LAMB4: variants seen among roughly 807,000 people sequenced by gnomAD.
LAMB4 encodes the protein laminin subunit beta-4.
In LAMB4, 196 loss-of-function variants were observed where a neutral mutation model predicts 199.2. That is an observed-to-expected ratio of 0.98 (90% CI 0.88 to 1.11). The LOEUF is 1.11. LAMB4 is among the 50% of genes least tolerant of loss of function. LAMB4 has a pLI of 0.00. For synonymous variants in LAMB4, 744 were observed against 770.6 expected (o/e 0.97, Z 0.57); for missense variants, 2,080 against 2,171.2 (o/e 0.96, Z 0.83).
At chr7:108,073,690 C>T (rs570360439) in intron 17 of LAMB4, among the ~76,000 whole-genome samples, 1 of 152,290 alleles carries the variant, frequency 6.6e-6, no homozygotes, top group Middle Eastern at 3.4e-3. Flanking sequence ...TCTTATCTTC[C>T]CAGAGCAACA....
At chr7:108,128,349 C>T (rs1249351187) in intron 1 of LAMB4, among the ~76,000 whole-genome samples, 3 of 152,116 alleles carry the variant, frequency 2.0e-5, no homozygotes, top group Non-Finnish European at 2.9e-5. Context: ...GCATGACAGA[C>T]GCTACTGGCA....
chr7:108,063,825 C>CT lies in LAMB4; in HGVS notation c.2996dup (p.Ala1001ArgfsTer44), dbSNP rs1210583259. The CT allele has an allele frequency of 1.9e-6, 3 of 1,614,074 alleles. No individual in the cohort carries two copies. Among genetic ancestry groups the CT allele is most frequent in the Non-Finnish European group, 2.5e-6 (3 of 1,180,052 alleles). ...GTTTGCAGAGCTGGCAGTTTGCGCC[C>CT]TGAGTGTTGTGCAAACATCGAAGGC... On this transcript the variant is annotated frameshift_variant, in exon 22 of 34. Coordinates refer to ENST00000388781, the MANE Select transcript of LAMB4 (RefSeq NM_007356.3). LOFTEE classifies it high-confidence loss of function.
chr7:108,126,550 C>CTTTCTTTTTT (rs2038787128), intron 1 of LAMB4, among the ~76,000 whole-genome samples: 2 of 45,458 alleles, frequency 4.4e-5, no homozygotes, highest in African/African-American at 1.8e-4. Context: ...GTCAGAATTT[C>CTTTCTTTTTT]TTTCTTTTTT....
In LAMB4 at chr7:108,104,639, G is replaced by C; in HGVS notation, c.871-20C>G. ...GTGAACCTGCATTGTGCAATAAATA[G>C]AGCGTTGAAAGAGGGCTTGTCCTTG... On this transcript the variant is annotated intron_variant, in intron 8 of 33. Coordinates refer to ENST00000388781, the MANE Select transcript of LAMB4 (RefSeq NM_007356.3). The C allele has an allele frequency of 6.2e-7, 1 of 1,611,328 alleles. No individual in the cohort carries two copies. The highest frequency in any genetic ancestry group is 8.5e-7 in the Non-Finnish European group (1 of 1,178,552).
intron 10 of LAMB4, 76 bp downstream of exon 10, chr7:108,102,968 T>G: frequency 5.4e-6 from 7 of 1,304,652 alleles, no homozygotes; most frequent in Non-Finnish European, 7.3e-6. Context: ...GCAGATAAGG[T>G]GCGGGCAGCC....
chr7:108,030,513 G>T (rs2034990216), intron 32 of LAMB4, among the ~76,000 whole-genome samples: 1 of 152,222 alleles, frequency 6.6e-6, no homozygotes, highest in African/African-American at 2.4e-5. Context: ...ATTGTGAAAA[G>T]TTTGGAAGTT....
rs2036044909 is a variant in LAMB4, at chr7:108,058,104, A to C, written c.3283-176T>G. On this transcript the variant is annotated intron_variant, in intron 23 of 33. Transcript: ENST00000388781. ...CCGACAATACCAAGGATCAGGAGTT[A>C]ATGTGCTTTGGCCTAAAGCTCCTGA... is the stretch of plus-strand genomic sequence containing the variant. Among the ~76,000 whole-genome samples, 3 of 152,238 alleles carry C rather than the reference A, an allele frequency of 2.0e-5. No homozygotes were observed. The South Asian group carries it at 6.2e-4, about 32-fold the overall frequency.
chr7:108,025,742 T>C (rs1343259663), intron 33 of LAMB4, among the ~76,000 whole-genome samples: 6 of 152,144 alleles, frequency 3.9e-5, no homozygotes, highest in African/African-American at 7.2e-5. Context: ...CTTTCAAATG[T>C]AGGTTATTTG....
chr7:108,076,254 A>C (rs1376394444), intron 17 of LAMB4, among the ~76,000 whole-genome samples: 1 of 152,110 alleles, frequency 6.6e-6, no homozygotes, highest in African/African-American at 2.4e-5. Context: ...TCAATGCTCA[A>C]CTCTGCCAAG....
downstream of LAMB4, among the ~76,000 whole-genome samples, chr7:108,019,411 C>T (rs2034644893): frequency 1.3e-5 from 2 of 152,010 alleles, no homozygotes; most frequent in African/African-American, 4.8e-5. Flanking sequence ...AATCCAGCAT[C>T]CTCTCCCCAT....
At chr7:108,129,110 T>G (rs940476876) in intron 1 of LAMB4, among the ~76,000 whole-genome samples, 7 of 152,344 alleles carry the variant, frequency 4.6e-5, no homozygotes, top group Non-Finnish European at 1.0e-4. Context: ...TCATCTGCTC[T>G]CACTTGAAGG....
chr7:108,079,093 G>T (rs975870712), intron 15 of LAMB4, among the ~76,000 whole-genome samples: 1 of 152,164 alleles, frequency 6.6e-6, no homozygotes, highest in Non-Finnish European at 1.5e-5. Flanking sequence ...TTCTAATTTG[G>T]CTTCTATTCT....
intron 14 of LAMB4, among the ~76,000 whole-genome samples, chr7:108,090,057 C>G (rs1014056746): frequency 1.3e-5 from 2 of 152,224 alleles, no homozygotes; most frequent in Non-Finnish European, 2.9e-5. Flanking sequence ...AGTGACTTAC[C>G]TAACCTCTCT....
chr7:108,061,112 A>T (rs1487659315), intron 23 of LAMB4, among the ~76,000 whole-genome samples: 1 of 152,220 alleles, frequency 6.6e-6, no homozygotes, highest in African/African-American at 2.4e-5. Context: ...CATGAGAAGA[A>T]TATCAGATCA....
intron 28 of LAMB4, among the ~76,000 whole-genome samples, chr7:108,045,978 AT>A (rs1445060799): frequency 6.6e-6 from 1 of 152,010 alleles, no homozygotes; most frequent in Non-Finnish European, 1.5e-5. Flanking sequence ...TTCTCACCCC[AT>A]TCCCAAGCTT....
At chr7:108,121,662 A>G (rs772167751) in intron 2 of LAMB4, among the ~76,000 whole-genome samples, 4 of 151,934 alleles carry the variant, frequency 2.6e-5, no homozygotes, top group African/African-American at 9.7e-5. Context: ...AGGCAGGAGA[A>G]TTGCTTGAAC....
intron 14 of LAMB4, among the ~76,000 whole-genome samples, chr7:108,080,215 C>A (rs1393370151): frequency 3.9e-5 from 6 of 152,160 alleles, no homozygotes; most frequent in Admixed American, 3.3e-4. Context: ...GATTTATTTT[C>A]TAGATACTTC....
At chr7:108,113,764 T>C (rs1443448847) in intron 3 of LAMB4, among the ~76,000 whole-genome samples, 1 of 152,240 alleles carries the variant, frequency 6.6e-6, no homozygotes, top group Non-Finnish European at 1.5e-5. Context: ...GAGTTCCATC[T>C]TGGATAATTT....
intron 23 of LAMB4, among the ~76,000 whole-genome samples, chr7:108,059,755 A>C (rs2036100902): frequency 6.6e-6 from 1 of 150,728 alleles, no homozygotes; most frequent in Non-Finnish European, 1.5e-5. Context: ...TTTTTCTCAC[A>C]AGAGCTGTGC....
Sources: allele counts gnomAD v4.1 joint callset (sites outside exome capture counted in the v4.1 genomes callset), GRCh38; gene constraint gnomAD v4.1.1; transcripts MANE v1.5; gene names NCBI Gene and HGNC (gene_info 2026-07-23, HGNC 2026-07-21).